The following CAMTA1 variants were observed in gnomAD, a reference collection of about 807,000 sequenced individuals.
CAMTA1 encodes the protein calmodulin-binding transcription activator 1.
In CAMTA1, 27 loss-of-function variants were observed where a neutral mutation model predicts 170.9. The ratio of observed to expected loss-of-function variants is 0.16; its 90% CI spans 0.12 to 0.22. The LOEUF is 0.22. Among genes scored for constraint, CAMTA1 ranks in the 10% least tolerant of loss-of-function variants. The pLI is 1.00. For missense variants in CAMTA1, 1,619 were observed against 2,217.2 expected (o/e 0.73, Z 5.42); for synonymous variants, 833 against 891.5 (o/e 0.93, Z 1.17).
chr1:7,211,707 A>C (rs967401153), intron 4 of CAMTA1, among the ~76,000 whole-genome samples: 21 of 152,188 alleles, frequency 1.4e-4, no homozygotes, highest in African/African-American at 5.1e-4. Flanking sequence ...GGCTCCTTTC[A>C]GCAGAGAATG....
chr1:6,868,756 T>A (rs946832752), intron 3 of CAMTA1, among the ~76,000 whole-genome samples: 1 of 152,256 alleles, frequency 6.6e-6, no homozygotes, highest in African/African-American at 2.4e-5. Flanking sequence ...ATAATTTCCC[T>A]AGAAGAATAT....
intron 4 of CAMTA1, among the ~76,000 whole-genome samples, chr1:7,223,541 G>C (rs1365337990): frequency 1.3e-5 from 2 of 152,116 alleles, no homozygotes; most frequent in Non-Finnish European, 2.9e-5. Flanking sequence ...AGCAACCTGA[G>C]GCCAGGGGTT....
chr1:7,534,551 C>T lies in CAMTA1; in HGVS notation c.510+66650C>T, dbSNP rs2094527223. ...GCCCAGCCCTGTGGGGTGGCACTAC[C>T]TGCTCCCCACCTCCCCGGCCAGCCC... On this transcript the variant is annotated intron_variant, in intron 6 of 22. Transcript: ENST00000303635. This position sits in a 1 kb window ranked among gnomAD's most constrained non-coding sequence, Gnocchi z 5.6. Among the ~76,000 whole-genome samples the T allele has an allele frequency of 6.6e-6, 1 of 152,232 alleles. No homozygotes were observed. Among genetic ancestry groups the T allele is most frequent in the South Asian group, 2.1e-4 (1 of 4,836 alleles).
intron 5 of CAMTA1, among the ~76,000 whole-genome samples, chr1:7,317,666 A>T (rs1489020020): frequency 6.6e-6 from 1 of 152,200 alleles, no homozygotes; most frequent in Non-Finnish European, 1.5e-5. Context: ...GTTGAGCTGG[A>T]TGACATCCAC....
At chr1:7,315,665 C>T (rs1232718038) in intron 5 of CAMTA1, among the ~76,000 whole-genome samples, 1 of 152,200 alleles carries the variant, frequency 6.6e-6, no homozygotes, top group Non-Finnish European at 1.5e-5. Flanking sequence ...AAATTATTGT[C>T]TTATAGTTCT....
At chr1:7,723,199 C>T (rs1287810621) in intron 11 of CAMTA1, among the ~76,000 whole-genome samples, 1 of 151,944 alleles carries the variant, frequency 6.6e-6, no homozygotes, top group African/African-American at 2.4e-5. Flanking sequence ...AGGATTGGCA[C>T]AGGGGAAATG....
intron 3 of CAMTA1, among the ~76,000 whole-genome samples, chr1:7,021,770 T>C (rs543928788): frequency 8.5e-5 from 13 of 152,244 alleles, no homozygotes; most frequent in Middle Eastern, 6.8e-3. Flanking sequence ...AGGAAAGCAA[T>C]GAGAAGATGT....
chr1:7,197,398 C>A (rs776826281), intron 4 of CAMTA1, among the ~76,000 whole-genome samples: 1 of 152,028 alleles, frequency 6.6e-6, no homozygotes, highest in Non-Finnish European at 1.5e-5. Flanking sequence ...TTTCCAAAGA[C>A]CAGGAGATGC....
chr1:7,013,118 C>T (rs1263841354), intron 3 of CAMTA1, among the ~76,000 whole-genome samples: 2 of 151,854 alleles, frequency 1.3e-5, no homozygotes, highest in South Asian at 2.1e-4. Flanking sequence ...TCCCTCATTG[C>T]CTTGTGCCGC....
At chr1:6,982,114 T>C (rs1694539502) in intron 3 of CAMTA1, among the ~76,000 whole-genome samples, 1 of 152,238 alleles carries the variant, frequency 6.6e-6, no homozygotes, top group Non-Finnish European at 1.5e-5. Context: ...CTGCACAGTG[T>C]TAGGAAGCGG....
intron 5 of CAMTA1, among the ~76,000 whole-genome samples, chr1:7,284,058 A>G (rs1479973573): frequency 6.6e-6 from 1 of 152,080 alleles, no homozygotes; most frequent in East Asian, 1.9e-4. Flanking sequence ...AGGATTAGTG[A>G]GTCAATCACA....
intron 3 of CAMTA1, among the ~76,000 whole-genome samples, chr1:6,896,616 G>A (rs920128524): frequency 1.3e-5 from 2 of 152,118 alleles, no homozygotes; most frequent in African/African-American, 2.4e-5. Flanking sequence ...GGAAAACATG[G>A]TAATGGCTAC....
chr1:7,142,935 C>T (rs1645972266), intron 4 of CAMTA1, among the ~76,000 whole-genome samples: 1 of 152,206 alleles, frequency 6.6e-6, no homozygotes, highest in Non-Finnish European at 1.5e-5. Flanking sequence ...GCTTTTGGGC[C>T]ACACACATTG....
chr1:7,483,667 C>A (rs1488822678), intron 6 of CAMTA1, among the ~76,000 whole-genome samples: 2 of 152,206 alleles, frequency 1.3e-5, no homozygotes, highest in Admixed American at 1.3e-4. Flanking sequence ...ATCTTGCTGA[C>A]CCCAGGACAG....
At chr1:6,852,982 A>G (rs1373211979) in intron 3 of CAMTA1, 3 of 60,094 alleles carry the variant, frequency 5.0e-5, no homozygotes, top group Non-Finnish European at 7.6e-5. Flanking sequence ...TCTTCTTACT[A>G]CCGTGTTTCA....
rs1394826616 is a variant in CAMTA1, at chr1:7,286,066, C to G, written c.438+36440C>G. On this transcript the variant is annotated intron_variant, in intron 5 of 22. Coordinates refer to ENST00000303635, the MANE Select transcript of CAMTA1 (RefSeq NM_015215.4). The surrounding 1 kb of genome is among the most constrained non-coding windows in gnomAD (Gnocchi z 4.2). ...ATGGAGCCTGCTGTGTGCCAAGCAC[C>G]ATGCCAGATTCTGAAGACTCAGGGA... 6.6e-6 allele frequency among the ~76,000 whole-genome samples: 1 copy of G among 152,168 alleles called. No individual in the cohort carries two copies. The highest frequency in any genetic ancestry group is 1.5e-5 in the Non-Finnish European group (1 of 68,028).
At chr1:7,238,541 G>A (rs984831978) in intron 4 of CAMTA1, among the ~76,000 whole-genome samples, 1 of 152,190 alleles carries the variant, frequency 6.6e-6, no homozygotes, top group Non-Finnish European at 1.5e-5. Context: ...GCTCCCAGGG[G>A]CTCAGCTTGA....
At chr1:7,142,138 C>A (rs1264275272) in intron 4 of CAMTA1, 1 of 518,734 alleles carries the variant, frequency 1.9e-6, no homozygotes, top group East Asian at 5.5e-5. Flanking sequence ...TGTTCCTCTG[C>A]AGTCTTGGAG....
At chr1:7,301,382 G>A (rs990522023) in intron 5 of CAMTA1, among the ~76,000 whole-genome samples, 1 of 152,214 alleles carries the variant, frequency 6.6e-6, no homozygotes, top group African/African-American at 2.4e-5. Context: ...GTTGTACCAA[G>A]TGAAAATAGA....
Sources: allele counts gnomAD v4.1 joint callset (sites outside exome capture counted in the v4.1 genomes callset), GRCh38; gene constraint gnomAD v4.1.1; non-coding constraint Gnocchi (gnomAD v3.1); transcripts MANE v1.5; gene names NCBI Gene and HGNC (gene_info 2026-07-23, HGNC 2026-07-21).